The following RNPC3 variants were observed in gnomAD, a reference collection of about 807,000 sequenced individuals.
RNPC3 encodes RNA-binding region-containing protein 3.
In RNPC3, 48 loss-of-function variants were observed where a neutral mutation model predicts 67.5. That is an observed-to-expected ratio of 0.71 (90% confidence interval 0.56 to 0.90). The LOEUF (loss-of-function observed/expected upper bound fraction) is 0.90, where lower values mean the gene tolerates loss of function less well. RNPC3 is among the 40% of genes least tolerant of loss of function. The pLI, the probability that RNPC3 is intolerant of heterozygous loss-of-function variation, is 0.00. For synonymous variants in RNPC3, 239 were observed against 210.3 expected, an observed-to-expected ratio of 1.14 and a Z score of -1.18; for missense variants, 637 against 626.1, an observed-to-expected ratio of 1.02 and a Z score of -0.19.
chr1:103,545,126 C>T, intron 10 of RNPC3, 24 bp downstream of exon 10: 1 of 1,507,554 alleles, frequency 6.6e-7, no homozygotes, highest in Non-Finnish European at 8.8e-7. Context: ...ATAAACTAAG[C>T]ACATATTCCA....
intron 2 of RNPC3, among the ~76,000 whole-genome samples, chr1:103,533,064 CCA>C (rs1296244898): frequency 6.6e-6 from 1 of 151,926 alleles, no homozygotes; most frequent in Non-Finnish European, 1.5e-5. Context: ...ACACCCCTCA[CCA>C]CACACAATTC....
intron 9 of RNPC3, among the ~76,000 whole-genome samples, chr1:103,544,088 C>T (rs1218803853): frequency 1.3e-5 from 2 of 151,632 alleles, no homozygotes; most frequent in African/African-American, 4.8e-5. Flanking sequence ...AAAGTTAACA[C>T]CTCAAACCTC....
chr1:103,539,310 G>A (rs1273406237), intron 7 of RNPC3, among the ~76,000 whole-genome samples: 1 of 152,184 alleles, frequency 6.6e-6, no homozygotes, highest in East Asian at 1.9e-4. Flanking sequence ...GTCCACCCAA[G>A]TAGTGGTACA....
chr1:103,550,832 A>G (rs1651370235), intron 12 of RNPC3, 109 bp from the exon 13 acceptor site: 6 of 1,059,594 alleles, frequency 5.7e-6, no homozygotes, highest in Non-Finnish European at 8.5e-6. Context: ...GTGCCTATCA[A>G]ATAGTGTAGT....
At chr1:103,553,168 T>C (rs1362874637) in intron 14 of RNPC3, 3 of 152,310 alleles carry the variant, frequency 2.0e-5, no homozygotes, top group South Asian at 2.1e-4. Context: ...ATAAACACTT[T>C]AGAGGAAAGA....
chr1:103,546,350 T>C lies in RNPC3; in HGVS notation c.1302+8T>C. ...AAACATGTTCAAGAAAAGGTAGGTA[T>C]AAATTGATTTTTTTTCATGTAAATG... On this transcript the variant is annotated splice_region_variant and intron_variant, in intron 11 of 14. Coordinates refer to ENST00000423855, the MANE Select transcript of RNPC3 (RefSeq NM_017619.4). 7.6e-7 allele frequency: 1 copy of C among 1,322,112 alleles called. No individual in the cohort carries two copies. Among genetic ancestry groups the C allele is most frequent in the South Asian group, 1.5e-5 (1 of 68,256 alleles). The allele number at this position is 1,322,112 out of a possible 1,614,324, so 81.9% of individuals were successfully genotyped here.
At position 103,525,915 on chromosome 1, in the gene RNPC3, C is replaced by A; in HGVS notation, c.-156C>A. ...GAAGGGTTGCCGCTTTTCGGTGGCG[C>A]AGTTCTCGCGAGAAGGTGACTTTCT... is the stretch of plus-strand genomic sequence containing the variant. On this transcript the variant is annotated 5_prime_UTR_variant, in exon 1 of 15. Coordinates refer to ENST00000423855, the MANE Select transcript of RNPC3 (RefSeq NM_017619.4). 1.6e-6 allele frequency: 1 copy of A among 630,412 alleles called. No individual in the cohort carries two copies. Among genetic ancestry groups the A allele is most frequent in the Non-Finnish European group, 2.7e-6 (1 of 369,994 alleles). The allele number at this position is 630,412 out of a possible 1,614,324, so 39.1% of individuals were successfully genotyped here. A position where few individuals can be genotyped will look rare whatever the true frequency, so the allele number is the denominator to read the frequency against.
chr1:103,530,842 C>T (rs533419865), intron 2 of RNPC3, among the ~76,000 whole-genome samples: 1 of 152,234 alleles, frequency 6.6e-6, no homozygotes, highest in Non-Finnish European at 1.5e-5. Flanking sequence ...GCAAGGATTT[C>T]TTACTGTATT....
At chr1:103,534,891 GT>G in intron 4 of RNPC3, 34 bp downstream of exon 4, 1 of 1,341,878 alleles carries the variant, frequency 7.5e-7, no homozygotes, top group East Asian at 2.5e-5. Context: ...TTTTGCTTTT[GT>G]TCTGTGTTAT....
At chr1:103,537,974 G>C (rs1651034704) in intron 7 of RNPC3, among the ~76,000 whole-genome samples, 1 of 151,980 alleles carries the variant, frequency 6.6e-6, no homozygotes, top group Admixed American at 6.6e-5. Context: ...TTCCCGAGTA[G>C]CTGGGATTAC....
In RNPC3 at chr1:103,534,867, T is replaced by G; in HGVS notation, c.443+10T>G. 1 of 1,495,288 alleles carries G rather than the reference T, an allele frequency of 6.7e-7. No individual in the cohort carries two copies. The highest frequency in any genetic ancestry group is 9.0e-7 in the Non-Finnish European group (1 of 1,115,918). The allele number at this position is 1,495,288 out of a possible 1,614,324, so 92.6% of individuals were successfully genotyped here. On this transcript the variant is annotated intron_variant, in intron 4 of 14. Transcript: ENST00000423855. Reference sequence around the variant, plus strand: ...TTGCACCAAACCATGGGTTAGCATTTTTGTTTGCTTTTCTTTTGCTTTTGT... The same window carrying G: ...TTGCACCAAACCATGGGTTAGCATTGTTGTTTGCTTTTCTTTTGCTTTTGT...
At chr1:103,538,635 A>G (rs917787181) in intron 7 of RNPC3, among the ~76,000 whole-genome samples, 11 of 152,232 alleles carry the variant, frequency 7.2e-5, no homozygotes, top group East Asian at 3.9e-4. Context: ...TCCTAGGGAC[A>G]GTGATTTAGT....
At chr1:103,526,637 T>G (rs1650718360) in intron 1 of RNPC3, among the ~76,000 whole-genome samples, 1 of 152,214 alleles carries the variant, frequency 6.6e-6, no homozygotes, top group South Asian at 2.1e-4. Flanking sequence ...TTTAAAGTCC[T>G]ACTTCATTTA....
chr1:103,535,778 A>G (rs1650969795), intron 5 of RNPC3, among the ~76,000 whole-genome samples: 1 of 152,062 alleles, frequency 6.6e-6, no homozygotes, highest in African/African-American at 2.4e-5. Context: ...TATTTTTTTG[A>G]AGTACAAAGT....
At chr1:103,536,990 T>C (rs564206946) in intron 6 of RNPC3, among the ~76,000 whole-genome samples, 1 of 152,334 alleles carries the variant, frequency 6.6e-6, no homozygotes, top group African/African-American at 2.4e-5. Flanking sequence ...GTTTCGACCA[T>C]GTGCCTTCCC....
intron 7 of RNPC3, among the ~76,000 whole-genome samples, chr1:103,538,981 G>T (rs1024308671): frequency 5.9e-5 from 9 of 152,164 alleles, no homozygotes; most frequent in Admixed American, 5.2e-4. Context: ...TTGACTTTGA[G>T]AGTCATGTGG....
intron 7 of RNPC3, among the ~76,000 whole-genome samples, chr1:103,537,962 G>C (rs1363985707): frequency 6.6e-6 from 1 of 152,000 alleles, no homozygotes. Context: ...TCCTGCCTCA[G>C]CTTCCCGAGT....
chr1:103,546,766 G>A (rs2101051287), intron 11 of RNPC3: 1 of 425,058 alleles, frequency 2.4e-6, no homozygotes, highest in East Asian at 3.7e-5. Context: ...GCTTGTGGAA[G>A]CATCACCACA....
chr1:103,536,349 G>A (rs956360635), intron 6 of RNPC3, among the ~76,000 whole-genome samples, 155 bp downstream of exon 6: 1 of 152,154 alleles, frequency 6.6e-6, no homozygotes, highest in African/African-American at 2.4e-5. Flanking sequence ...ACTGAGAACT[G>A]TTAAGTGAGT....
Sources: gnomAD v4.1 joint callset for allele counts (sites outside exome capture counted in the v4.1 genomes callset) on GRCh38, gnomAD v4.1.1 for gene constraint, MANE v1.5 for transcripts, NCBI Gene and HGNC (gene_info 2026-07-23, HGNC 2026-07-21) for gene names.